ATP5MJ: variants seen among roughly 807,000 people sequenced by gnomAD.
ATP5MJ encodes the protein ATP synthase membrane subunit j, also known as ATP synthase F(0) complex subunit j, mitochondrial.
Under a neutral mutation model 8.3 loss-of-function variants are expected in ATP5MJ, and 4 were observed. The observed-to-expected ratio is 0.48, with a 90% CI of 0.24 to 1.11. The LOEUF (loss-of-function observed/expected upper bound fraction) is 1.11. Ranked by LOEUF, ATP5MJ falls within the 50% of genes least tolerant of loss-of-function variation. The pLI is 0.18. For missense variants in ATP5MJ, 66 were observed against 71.8 expected, an observed-to-expected ratio of 0.92 and a Z score of 0.29; for synonymous variants, 23 against 21.3, an observed-to-expected ratio of 1.08 and a Z score of -0.23.
chr14:103,915,958 G>A (rs2087622662), intron 1 of ATP5MJ, among the ~76,000 whole-genome samples: 1 of 152,174 alleles, frequency 6.6e-6, no homozygotes, highest in South Asian at 2.1e-4. Context: ...TGTCTAAATC[G>A]AAAAATTAGT....
intron 1 of ATP5MJ, among the ~76,000 whole-genome samples, chr14:103,918,914 C>G (rs529195075): frequency 1.3e-5 from 2 of 151,874 alleles, no homozygotes; most frequent in Admixed American, 1.3e-4. Flanking sequence ...CCCAGCTACT[C>G]GGAAGGCCGA....
At chr14:103,914,272 C>T (rs1054780551) in intron 2 of ATP5MJ, 8 of 565,624 alleles carry the variant, frequency 1.4e-5, no homozygotes, top group Admixed American at 6.7e-5. Flanking sequence ...GGCTTAGTAA[C>T]ATGTGATTGG....
At chr14:103,917,680 G>C (rs911679772) in intron 1 of ATP5MJ, among the ~76,000 whole-genome samples, 1 of 152,170 alleles carries the variant, frequency 6.6e-6, no homozygotes, top group Non-Finnish European at 1.5e-5. Flanking sequence ...AGTCAGGCAA[G>C]AATGGGGAGG....
chr14:103,918,881 G>T (rs2152108025), intron 1 of ATP5MJ, among the ~76,000 whole-genome samples: 1 of 152,068 alleles, frequency 6.6e-6, no homozygotes, highest in South Asian at 2.1e-4. Context: ...AATTAGCCGG[G>T]CGTGGTGGCG....
intron 1 of ATP5MJ, among the ~76,000 whole-genome samples, chr14:103,915,842 C>T (rs2087621471): frequency 6.6e-6 from 1 of 152,082 alleles, no homozygotes; most frequent in South Asian, 2.1e-4. Context: ...AGGGCCCCCT[C>T]CTCCCACCTT....
At chr14:103,920,913 C>T (rs970878256) in intron 1 of ATP5MJ, 2 of 1,518,576 alleles carry the variant, frequency 1.3e-6, no homozygotes, top group Non-Finnish European at 1.8e-6. Context: ...AAAGTTTTGG[C>T]ACATTACATT....
rs2087614329 is a variant in ATP5MJ, at chr14:103,915,086, A to G, written c.104T>C (p.Val35Ala). The G allele has an allele frequency of 6.2e-7, 1 of 1,614,000 alleles. No homozygotes were observed. Among genetic ancestry groups the G allele is most frequent in the African/African-American group, 1.3e-5 (1 of 74,916 alleles). ...CGTACCAGCAGCCCGGATTTTATAAACGATGAAGCCCATCAGCCCCATTCC... is the reference window on the plus strand; with the variant it reads ...CGTACCAGCAGCCCGGATTTTATAAGCGATGAAGCCCATCAGCCCCATTCC... Reference protein sequence around the residue: ...WIGMGLMGFIVYKIRAADKRS... With the variant: ...WIGMGLMGFIAYKIRAADKRS... Residue 35 changes from valine (V) to alanine (A), a missense_variant, in exon 2 of 4, where the codon GTT becomes GCT. By Grantham distance (64) the Val-to-Ala change is moderately conservative. Coordinates refer to ENST00000286953, the MANE Select transcript of ATP5MJ (RefSeq NM_004894.3).
Position 103,915,328 on chromosome 14 carries a change from T to G in ATP5MJ, c.1-139A>C. On this transcript the variant is annotated intron_variant, in intron 1 of 3. Coordinates refer to ENST00000286953, the MANE Select transcript of ATP5MJ (RefSeq NM_004894.3). ...CGCCTGTGTCAGATGTCAGACCCGTTCTGCACTCACAGGGGACTCACACCT... is the reference window on the plus strand; with the variant it reads ...CGCCTGTGTCAGATGTCAGACCCGTGCTGCACTCACAGGGGACTCACACCT... The G allele has an allele frequency of 3.3e-6, 3 of 916,030 alleles. No homozygotes were observed. The South Asian group carries it at 5.1e-5, about 15-fold the overall frequency. The allele number at this position is 916,030 out of a possible 1,614,324, so 56.7% of individuals were successfully genotyped here. A position where few individuals can be genotyped will look rare whatever the true frequency, so the allele number is the denominator to read the frequency against.
At chr14:103,914,863 G>GAAAAAAAAAAAAAT in intron 2 of ATP5MJ, 1 of 356,956 alleles carries the variant, frequency 2.8e-6, no homozygotes, top group Non-Finnish European at 4.6e-6. Context: ...AAAAAGAAAA[G>GAAAAAAAAAAAAAT]AAAAGAAAAA....
At chr14:103,918,524 C>T (rs2152107950) in intron 1 of ATP5MJ, among the ~76,000 whole-genome samples, 1 of 152,054 alleles carries the variant, frequency 6.6e-6, no homozygotes, top group East Asian at 2.0e-4. Context: ...CCACGCCTGG[C>T]TAATTTTTTG....
chr14:103,917,172 C>T (rs2087632248), intron 1 of ATP5MJ, among the ~76,000 whole-genome samples: 1 of 152,138 alleles, frequency 6.6e-6, no homozygotes, highest in Admixed American at 6.5e-5. Flanking sequence ...GCCACAGTGC[C>T]AGATTCAAAT....
chr14:103,914,022 A>G, intron 2 of ATP5MJ, 38 bp from the exon 3 acceptor site: 1 of 1,571,396 alleles, frequency 6.4e-7, no homozygotes, highest in Non-Finnish European at 8.7e-7. Flanking sequence ...AGTCATATCA[A>G]TGCTTTACAA....
At position 103,916,373 on chromosome 14, in the gene ATP5MJ, G is replaced by A. The variant is rs566856776; in HGVS notation, c.1-1184C>T. ...TAATATGCTTTTTAACATCTGAAGT[G>A]GTCCATTAAACTACAGTCAAATAGC... On this transcript the variant is annotated intron_variant, in intron 1 of 3. Coordinates refer to ENST00000286953, the MANE Select transcript of ATP5MJ (RefSeq NM_004894.3). 3.9e-5 allele frequency among the ~76,000 whole-genome samples: 6 copies of A among 152,266 alleles called. No homozygotes were observed. In the South Asian group the frequency reaches 1.2e-3, roughly 32 times the overall value.
chr14:103,914,015 C>A, intron 2 of ATP5MJ, 31 bp from the exon 3 acceptor site: 2 of 1,581,322 alleles, frequency 1.3e-6, no homozygotes, highest in South Asian at 1.1e-5. Flanking sequence ...AAAAAGCAGT[C>A]ATATCAATGC....
chr14:103,912,723 G>T (rs1008324191), intron 3 of ATP5MJ, 29 bp from the exon 4 acceptor site: 1 of 1,607,992 alleles, frequency 6.2e-7, no homozygotes, highest in Admixed American at 1.7e-5. Context: ...ATATAAATAT[G>T]ATTTAAGAAG....
At chr14:103,921,332 G>A in intron 1 of ATP5MJ, 138 bp downstream of exon 1, 1 of 283,744 alleles carries the variant, frequency 3.5e-6, no homozygotes, top group Non-Finnish European at 6.8e-6. Flanking sequence ...CTTCAGAGAA[G>A]GGAAAGCCGG....
chr14:103,921,150 C>T (rs2087675224), intron 1 of ATP5MJ: 2 of 926,678 alleles, frequency 2.2e-6, no homozygotes, highest in Non-Finnish European at 3.3e-6. Context: ...TCTGGCTTCT[C>T]TAACTCTGCG....
chr14:103,917,452 TAAC>T (rs1418949292), intron 1 of ATP5MJ, among the ~76,000 whole-genome samples: 1 of 147,620 alleles, frequency 6.8e-6, no homozygotes, highest in Non-Finnish European at 1.5e-5. Flanking sequence ...TCTCTAAATT[TAAC>T]AACTTTTTTT....
chr14:103,912,765 A>G (rs1160128355), intron 3 of ATP5MJ, 71 bp from the exon 4 acceptor site: 5 of 1,463,012 alleles, frequency 3.4e-6, no homozygotes, highest in Non-Finnish European at 4.8e-6. Flanking sequence ...TTTATTAAAC[A>G]AGTATCAAAA....
Sources: allele counts gnomAD v4.1 joint callset (sites outside exome capture counted in the v4.1 genomes callset), GRCh38; gene constraint gnomAD v4.1.1; transcripts MANE v1.5; gene names NCBI Gene and HGNC (gene_info 2026-07-23, HGNC 2026-07-21).